The following CYP4F22 variants were observed in gnomAD, a reference collection of about 807,000 sequenced individuals.
The protein encoded by CYP4F22 is ultra-long-chain fatty acid omega-hydroxylase.
CYP4F22 carries 37 observed loss-of-function variants against 60.4 expected under a neutral mutation model. That is an observed-to-expected ratio of 0.61 (90% CI 0.47 to 0.81). The LOEUF (loss-of-function observed/expected upper bound fraction) is 0.81, where lower values mean the gene tolerates loss of function less well. CYP4F22 is among the 30% of genes least tolerant of loss of function. CYP4F22 has a pLI of 0.00. For synonymous variants in CYP4F22, 258 were observed against 280.5 expected (o/e 0.92, Z 0.80); for missense variants, 655 against 715.0 (o/e 0.92, Z 0.96).
intron 1 of CYP4F22, among the ~76,000 whole-genome samples, chr19:15,514,368 C>T (rs1364213851): frequency 6.6e-6 from 1 of 152,222 alleles, no homozygotes; most frequent in African/African-American, 2.4e-5. Flanking sequence ...TAATTAGATA[C>T]AGTTGAGAAA....
chr19:15,520,989 G>A (rs1216166638), intron 1 of CYP4F22, among the ~76,000 whole-genome samples: 1 of 151,770 alleles, frequency 6.6e-6, no homozygotes, highest in East Asian at 1.9e-4. Flanking sequence ...GCATGGTTTC[G>A]ATTTCCTGAC....
intron 1 of CYP4F22, among the ~76,000 whole-genome samples, chr19:15,509,966 T>TC (rs1410977813): frequency 2.3e-5 from 3 of 130,910 alleles, no homozygotes; most frequent in Non-Finnish European, 4.9e-5. Flanking sequence ...CTCTCTCTCT[T>TC]TCTTTCTTTC....
At chr19:15,515,371 T>G in intron 1 of CYP4F22, 1 of 1,233,970 alleles carries the variant, frequency 8.1e-7, no homozygotes. Context: ...CATTGATCCA[T>G]TTCCTGTTCT....
intron 1 of CYP4F22, among the ~76,000 whole-genome samples, chr19:15,514,707 A>G (rs1971134138): frequency 6.6e-6 from 1 of 152,124 alleles, no homozygotes. Flanking sequence ...GAAAGAAAGA[A>G]GGAAGGAAGG....
chr19:15,529,128 A>AT (rs1043267478), intron 3 of CYP4F22, among the ~76,000 whole-genome samples: 5 of 33,134 alleles, frequency 1.5e-4, no homozygotes, highest in African/African-American at 1.1e-3. Flanking sequence ...TTCTTATTTT[A>AT]TTTTATTTTT....
chr19:15,548,702 G>GGGCT (rs1225193050), intron 11 of CYP4F22, among the ~76,000 whole-genome samples: 1 of 152,156 alleles, frequency 6.6e-6, no homozygotes, highest in Non-Finnish European at 1.5e-5. Context: ...AATGCAGGGA[G>GGGCT]GGCTGCCTGG....
Position 15,529,769 on chromosome 19 carries a change from G to A in CYP4F22, c.283G>A (p.Val95Ile), listed in dbSNP as rs2144518335. 1.2e-6 allele frequency: 2 copies of A among 1,614,130 alleles called. No individual in the cohort carries two copies. Among genetic ancestry groups the A allele is most frequent in the Non-Finnish European group, 1.7e-6 (2 of 1,180,038 alleles). ...EKKVLDNMHHVLLVWMGPVLP... is the reference protein window; with the variant it reads ...EKKVLDNMHHILLVWMGPVLP... ...GAAGGTACTGGACAACATGCACCATGTACTCTTGGTATGGATGGGACCTGT... is the reference window on the plus strand; with the variant it reads ...GAAGGTACTGGACAACATGCACCATATACTCTTGGTATGGATGGGACCTGT... The change falls in exon 4 of 14, where the codon GTA (valine) becomes ATA (isoleucine). Residue 95 changes from valine (V) to isoleucine (I), a missense_variant. Coordinates refer to ENST00000269703, the MANE Select transcript of CYP4F22 (RefSeq NM_173483.4).
chr19:15,515,109 C>G (rs1328304091), intron 1 of CYP4F22, among the ~76,000 whole-genome samples: 1 of 152,196 alleles, frequency 6.6e-6, no homozygotes, highest in Non-Finnish European at 1.5e-5. Flanking sequence ...CCAAAGGCAG[C>G]TGGTATTGCG....
intron 12 of CYP4F22, among the ~76,000 whole-genome samples, chr19:15,549,535 C>T (rs1038448050): frequency 6.6e-6 from 1 of 152,098 alleles, no homozygotes; most frequent in Admixed American, 6.6e-5. Flanking sequence ...AAAAACTGGG[C>T]CAGTTCCGGT....
rs1037434711 is a variant in CYP4F22 at position 15,537,112 on chromosome 19, A to T, written c.368-249A>T. 1.2e-4 allele frequency among the ~76,000 whole-genome samples: 18 copies of T among 152,128 alleles called. 1 individual carries two copies. The highest frequency in any genetic ancestry group is 7.2e-4 in the Admixed American group (11 of 15,258). On this transcript the variant is annotated intron_variant, in intron 4 of 13. Transcript: ENST00000269703. ...TTAGGAGTTCGAGACCAGCCTGGCC[A>T]ACATGGTGAAACTCTGTCTCTGCTA...
chr19:15,526,182 G>T (rs948486880), intron 3 of CYP4F22, among the ~76,000 whole-genome samples: 3 of 151,796 alleles, frequency 2.0e-5, no homozygotes, highest in Non-Finnish European at 4.4e-5. Flanking sequence ...AAAAAAAAAA[G>T]AACTCTCTCT....
chr19:15,534,809 C>G (rs892143), intron 4 of CYP4F22, among the ~76,000 whole-genome samples: 1 of 151,882 alleles, frequency 6.6e-6, no homozygotes, highest in Non-Finnish European at 1.5e-5. Flanking sequence ...TGCCTAGGAG[C>G]TTGCCAGAGA....
intron 4 of CYP4F22, among the ~76,000 whole-genome samples, chr19:15,531,637 T>C (rs559794107): frequency 6.6e-6 from 1 of 152,290 alleles, no homozygotes; most frequent in Admixed American, 6.5e-5. Flanking sequence ...TTGACTCTTC[T>C]GAGGGATGAA....
At chr19:15,516,511 C>T (rs1365881940) in intron 1 of CYP4F22, 5 of 207,844 alleles carry the variant, frequency 2.4e-5, no homozygotes, top group Middle Eastern at 1.7e-3. Flanking sequence ...GGTGTGCTCT[C>T]GCCATTATTC....
At chr19:15,549,038 T>A in intron 11 of CYP4F22, 100 bp from the exon 12 acceptor site, 1 of 1,343,726 alleles carries the variant, frequency 7.4e-7, no homozygotes, top group Non-Finnish European at 1.1e-6. Context: ...GGCAGATGGC[T>A]CATGGGAACA....
At chr19:15,515,138 C>T (rs1163477152) in intron 1 of CYP4F22, among the ~76,000 whole-genome samples, 2 of 152,164 alleles carry the variant, frequency 1.3e-5, no homozygotes, top group Non-Finnish European at 2.9e-5. Context: ...GCCAGGTCAC[C>T]GAGTGGCCGT....
intron 1 of CYP4F22, among the ~76,000 whole-genome samples, chr19:15,514,312 AT>A (rs1971128749): frequency 6.6e-6 from 1 of 152,230 alleles, no homozygotes; most frequent in East Asian, 1.9e-4. Context: ...TGTCGGTTAG[AT>A]TATTGATAAA....
intron 7 of CYP4F22, 115 bp downstream of exon 7, chr19:15,538,108 G>A (rs547878910): frequency 1.7e-4 from 240 of 1,439,806 alleles, no homozygotes; most frequent in South Asian, 6.5e-4. Flanking sequence ...GCTCTGCCAC[G>A]GATGGGCCAT....
intron 1 of CYP4F22, chr19:15,516,860 G>A (rs979431774): frequency 4.4e-5 from 12 of 274,126 alleles, no homozygotes; most frequent in South Asian, 1.2e-4. Flanking sequence ...TTTTTGAGAC[G>A]GAGTCTGTTG....
Sources: allele counts gnomAD v4.1 joint callset (sites outside exome capture counted in the v4.1 genomes callset), GRCh38; gene constraint gnomAD v4.1.1; transcripts MANE v1.5; gene names NCBI Gene and HGNC (gene_info 2026-07-23, HGNC 2026-07-21).